The following LRMDA variants were observed in gnomAD, a reference collection of about 807,000 sequenced individuals.
The protein encoded by LRMDA is leucine-rich melanocyte differentiation-associated protein.
LRMDA carries 18 observed loss-of-function variants against 29.8 expected under a neutral mutation model. That is an observed-to-expected ratio of 0.60 (90% CI 0.42 to 0.90). LRMDA has a LOEUF of 0.90. Among genes scored for constraint, LRMDA ranks in the 40% least tolerant of loss-of-function variants. LRMDA has a pLI of 0.00. For missense variants in LRMDA, 273 were observed against 273.9 expected (o/e 1.00, Z 0.02); for synonymous variants, 125 against 109.4 (o/e 1.14, Z -0.89).
At chr10:75,766,983 T>A (rs1340833974) in intron 2 of LRMDA, among the ~76,000 whole-genome samples, 1 of 152,240 alleles carries the variant, frequency 6.6e-6, no homozygotes, top group Non-Finnish European at 1.5e-5. Flanking sequence ...TCATCCTTTT[T>A]TATGGCTGTA....
chr10:76,515,526 G>T (rs1421378975), intron 6 of LRMDA, among the ~76,000 whole-genome samples: 2 of 151,630 alleles, frequency 1.3e-5, no homozygotes, highest in Admixed American at 6.6e-5. Flanking sequence ...TTTTTTTTGA[G>T]ACAGGGTTTC....
At chr10:76,404,454 C>T (rs970504389) in intron 6 of LRMDA, among the ~76,000 whole-genome samples, 2 of 152,142 alleles carry the variant, frequency 1.3e-5, no homozygotes, top group African/African-American at 4.8e-5. Flanking sequence ...ACAATAAAAG[C>T]CAAGGTCTTA....
chr10:75,772,112 C>A (rs1564564064), intron 2 of LRMDA, among the ~76,000 whole-genome samples: 1 of 152,172 alleles, frequency 6.6e-6, no homozygotes, highest in Non-Finnish European at 1.5e-5. Context: ...TGCTCTAATT[C>A]TCAGAAAAGC....
At chr10:76,257,540 G>T (rs1309372974) in intron 5 of LRMDA, among the ~76,000 whole-genome samples, 2 of 151,836 alleles carry the variant, frequency 1.3e-5, no homozygotes, top group Non-Finnish European at 2.9e-5. Flanking sequence ...CACCATGTTG[G>T]CCAGGCTGGT....
intron 6 of LRMDA, among the ~76,000 whole-genome samples, chr10:76,506,087 C>T (rs1225681956): frequency 1.3e-5 from 2 of 152,128 alleles, no homozygotes; most frequent in East Asian, 3.9e-4. Context: ...CCCTCTTCAG[C>T]CTTGGGGTCT....
At chr10:76,260,826 T>C (rs1839929873) in intron 5 of LRMDA, 1 of 152,346 alleles carries the variant, frequency 6.6e-6, no homozygotes, top group South Asian at 2.1e-4. Context: ...CAAATTCATA[T>C]GCCATCCTTG....
At chr10:75,572,886 T>C (rs1840455077) in intron 2 of LRMDA, among the ~76,000 whole-genome samples, 3 of 152,330 alleles carry the variant, frequency 2.0e-5, no homozygotes, top group Admixed American at 6.5e-5. Flanking sequence ...TTTATCTCTT[T>C]CTATGCAAGC....
intron 6 of LRMDA, among the ~76,000 whole-genome samples, chr10:76,534,001 T>C (rs906719482): frequency 6.6e-6 from 1 of 152,192 alleles, no homozygotes; most frequent in Non-Finnish European, 1.5e-5. Context: ...TGCTCATTCA[T>C]TGACCTATGA....
intron 5 of LRMDA, among the ~76,000 whole-genome samples, chr10:76,192,768 T>C (rs576552723): frequency 2.0e-5 from 3 of 152,276 alleles, no homozygotes; most frequent in South Asian, 4.1e-4. Flanking sequence ...TTGGAACTCT[T>C]TGTAGTCATT....
At chr10:75,812,962 G>GA (rs1307468842) in intron 2 of LRMDA, among the ~76,000 whole-genome samples, 2 of 152,212 alleles carry the variant, frequency 1.3e-5, no homozygotes, top group African/African-American at 4.8e-5. Context: ...TGATGGACAA[G>GA]AAATGTTTGG....
At chr10:75,684,260 T>C (rs1307621848) in intron 2 of LRMDA, among the ~76,000 whole-genome samples, 1 of 152,182 alleles carries the variant, frequency 6.6e-6, no homozygotes, top group Non-Finnish European at 1.5e-5. Context: ...CCTTTAAGCT[T>C]AGTAGACCCT....
At chr10:76,070,162 T>G (rs535651715) in intron 5 of LRMDA, among the ~76,000 whole-genome samples, 1 of 152,342 alleles carries the variant, frequency 6.6e-6, no homozygotes, top group Non-Finnish European at 1.5e-5. Flanking sequence ...CTAGTGTTCT[T>G]AGTCATGTAA....
chr10:76,250,165 G>A (rs1306349482), intron 5 of LRMDA, among the ~76,000 whole-genome samples: 1 of 152,152 alleles, frequency 6.6e-6, no homozygotes, highest in Non-Finnish European at 1.5e-5. Context: ...TCATTGCTGA[G>A]TTATCATTCT....
At chr10:75,826,461 G>T (rs2132286474) in intron 2 of LRMDA, among the ~76,000 whole-genome samples, 1 of 152,240 alleles carries the variant, frequency 6.6e-6, no homozygotes, top group East Asian at 1.9e-4. Flanking sequence ...ATTTGCAAAT[G>T]GTCTAGGTCA....
chr10:76,003,617 G>C (rs980858297), intron 2 of LRMDA, among the ~76,000 whole-genome samples: 6 of 152,234 alleles, frequency 3.9e-5, no homozygotes, highest in Admixed American at 3.9e-4. Context: ...AGGACAGGTT[G>C]CAGTATTGAA....
intron 6 of LRMDA, among the ~76,000 whole-genome samples, chr10:76,475,795 G>C (rs1325546842): frequency 6.6e-6 from 1 of 152,092 alleles, no homozygotes; most frequent in Non-Finnish European, 1.5e-5. Context: ...GCTCCTGAAT[G>C]ACTACTTGGT....
chr10:76,546,437 CA>C (rs1212080218), intron 6 of LRMDA, among the ~76,000 whole-genome samples: 1 of 152,136 alleles, frequency 6.6e-6, no homozygotes, highest in Non-Finnish European at 1.5e-5. Flanking sequence ...TGTGAAAATT[CA>C]AAAAGGTTTC....
At chr10:76,384,010 C>T (rs1352661781) in intron 6 of LRMDA, among the ~76,000 whole-genome samples, 1 of 152,022 alleles carries the variant, frequency 6.6e-6, no homozygotes, top group East Asian at 1.9e-4. Context: ...CTTTCTCTCT[C>T]TCTCCCCCTT....
chr10:76,120,838 T>C (rs1190204555), intron 5 of LRMDA, among the ~76,000 whole-genome samples: 1 of 151,464 alleles, frequency 6.6e-6, no homozygotes, highest in African/African-American at 2.4e-5. Flanking sequence ...CTTTTTTTTT[T>C]TTTTTTTCCA....
Sources: gnomAD v4.1 joint callset for allele counts (sites outside exome capture counted in the v4.1 genomes callset) on GRCh38, gnomAD v4.1.1 for gene constraint, MANE v1.5 for transcripts, NCBI Gene and HGNC (gene_info 2026-07-23, HGNC 2026-07-21) for gene names.